Variants in RNF225 observed in about 807,000 individuals in gnomAD.
RNF225 encodes ring finger protein 225.
For synonymous variants in RNF225, 295 were observed against 260.4 expected (o/e 1.13, Z -1.28); for missense variants, 510 against 509.8 (o/e 1.00, Z 0.00).
rs752719125 is a variant in RNF225, at chr19:58,396,405, G to C, written c.316G>C (p.Val106Leu). Residue 106 changes from valine to leucine, a missense_variant, in exon 1 of 1, where the codon GTG becomes CTG. Physicochemically the swap from Val to Leu is conservative, Grantham distance 32 (BLOSUM62 1). Coordinates refer to ENST00000601382, the MANE Select transcript of RNF225 (RefSeq NM_001195135.2). ...SLATAGGGNA[V>L]ACPVCRAPTR... is the part of the protein sequence containing the mutation. Reference sequence around the variant, plus strand: ...GGCCACGGCGGGCGGCGGCAACGCGGTGGCCTGTCCGGTGTGCCGCGCGCC... The same window carrying C: ...GGCCACGGCGGGCGGCGGCAACGCGCTGGCCTGTCCGGTGTGCCGCGCGCC... The C allele has an allele frequency of 6.5e-7, 1 of 1,533,138 alleles. No individual in the cohort carries two copies. Among genetic ancestry groups the C allele is most frequent in the South Asian group, 1.2e-5 (1 of 83,900 alleles). 95.0% of individuals were successfully genotyped at this position (1,533,138 alleles called of 1,614,324 possible).
At position 58,396,703 on chromosome 19, in the gene RNF225, C is replaced by T. The variant is rs1488823387; in HGVS notation, c.614C>T (p.Ala205Val). 3.8e-5 allele frequency: 57 copies of T among 1,495,876 alleles called. No individual in the cohort carries two copies. The highest frequency in any genetic ancestry group is 4.7e-5 in the Non-Finnish European group (53 of 1,130,422). The allele number at this position is 1,495,876 out of a possible 1,614,324, so 92.7% of individuals were successfully genotyped here. The change falls in exon 1 of 1, where the codon GCG becomes GTG. Residue 205 changes from alanine to valine, a missense_variant. Physicochemically the swap from Ala to Val is moderately conservative, Grantham distance 64. Coordinates refer to ENST00000601382, the MANE Select transcript of RNF225 (RefSeq NM_001195135.2). The part of the protein sequence containing the change: ...AWVFNAAVAL[A>V]VLVAAGLVVS... ...GTCTTCAACGCTGCCGTGGCGCTGG[C>T]GGTGCTGGTGGCCGCGGGCCTCGTG...
At position 58,396,965 on chromosome 19, in the gene RNF225, G is replaced by A. The variant is rs1259473230; in HGVS notation, c.876G>A (p.Pro292=). 3 of 1,534,130 alleles carry A rather than the reference G, an allele frequency of 2.0e-6. No individual in the cohort carries two copies. The highest frequency in any genetic ancestry group is 2.6e-6 in the Non-Finnish European group (3 of 1,146,430). ...ALEPEAGPED[P]AEAERTLDRR... ...AGCCCGAGGCGGGCCCCGAGGACCC[G>A]GCGGAGGCCGAGAGGACGCTGGACA... is the stretch of plus-strand genomic sequence containing the variant. The change falls in exon 1 of 1, where the codon CCG becomes CCA. Residue 292 remains proline, a synonymous_variant. Coordinates refer to ENST00000601382, the MANE Select transcript of RNF225 (RefSeq NM_001195135.2).
In RNF225 at chr19:58,396,956, C is replaced by T. The variant is rs1482715026; in HGVS notation, c.867C>T (p.Pro289=). The T allele has an allele frequency of 1.3e-6, 2 of 1,534,170 alleles. No individual in the cohort carries two copies. Among genetic ancestry groups the T allele is most frequent in the Non-Finnish European group, 1.7e-6 (2 of 1,146,408 alleles). Residue 289 remains proline (P), a synonymous_variant, in exon 1 of 1, where the codon CCC becomes CCT. Coordinates refer to ENST00000601382, the MANE Select transcript of RNF225 (RefSeq NM_001195135.2). ...ATGCGCTGGAGCCCGAGGCGGGCCC[C>T]GAGGACCCGGCGGAGGCCGAGAGGA... ...AEDALEPEAG[P]EDPAEAERTL... is the part of the protein sequence containing the mutation.
At position 58,397,027 on chromosome 19, in the gene RNF225, C is replaced by A; in HGVS notation, c.938C>A (p.Pro313His). Residue 313 changes from proline to histidine, a missense_variant, in exon 1 of 1, where the codon CCC becomes CAC. Transcript: ENST00000601382. ...GGCACGTGGGGCACAGAGGCTGGCC[C>A]CGGCTGGGCCCCGTGGCCACGGGGC... Reference protein sequence around the residue: ...SDGTWGTEAGPGWAPWPRGAR... With the variant: ...SDGTWGTEAGHGWAPWPRGAR... The A allele has an allele frequency of 4.6e-6, 7 of 1,531,704 alleles. No homozygotes were observed. Among genetic ancestry groups the A allele is most frequent in the Non-Finnish European group, 6.1e-6 (7 of 1,145,264 alleles). 94.9% of individuals were successfully genotyped at this position (1,531,704 alleles called of 1,614,324 possible).
Position 58,396,113 on chromosome 19 carries a change from G to A in RNF225, c.24G>A (p.Trp8Ter), listed in dbSNP as rs1421547555. 6.5e-7 allele frequency: 1 copy of A among 1,531,666 alleles called. No individual in the cohort carries two copies. Among genetic ancestry groups the A allele is most frequent in the Non-Finnish European group, 8.7e-7 (1 of 1,145,598 alleles). The allele number at this position is 1,531,666 out of a possible 1,614,324, so 94.9% of individuals were successfully genotyped here. Residue 8 changes from tryptophan to a stop codon, truncating the protein, a stop_gained, in exon 1 of 1, where the codon TGG becomes TGA. Coordinates refer to ENST00000601382, the MANE Select transcript of RNF225 (RefSeq NM_001195135.2). LOFTEE classifies it low-confidence loss of function (END_TRUNC). ...GGATGCCCTGCCCTCGGCCGTTCTG[G>A]CTCCGCCATTCCCGGGCCCCCCAGG... MPCPRPF[W>*]LRHSRAPQGS...
Position 58,396,605 on chromosome 19 carries a change from C to T in RNF225, c.516C>T (p.Ala172=), listed in dbSNP as rs2052401663. 2 of 1,163,474 alleles carry T rather than the reference C, an allele frequency of 1.7e-6. No homozygotes were observed. The highest frequency in any genetic ancestry group is 3.4e-5 in the African/African-American group (2 of 59,590). 72.1% of individuals were successfully genotyped at this position (1,163,474 alleles called of 1,614,324 possible). Residue 172 remains alanine (A), a synonymous_variant, in exon 1 of 1, where the codon GCC becomes GCT. Coordinates refer to ENST00000601382, the MANE Select transcript of RNF225 (RefSeq NM_001195135.2). Reference sequence around the variant, plus strand: ...CGCCCGGGCCGCGCAAGGCCCGCGCCCCGCCGCCCCCGCCGCCTCTGCGCC... The same window carrying T: ...CGCCCGGGCCGCGCAAGGCCCGCGCTCCGCCGCCCCCGCCGCCTCTGCGCC... ...PPPPGPRKAR[A]PPPPPPLRLG...
At position 58,396,549 on chromosome 19, in the gene RNF225, GGCCTTCTCTACCTGCGGCCGCCGCC is replaced by G. The variant is rs2052401037; in HGVS notation, c.464_488del (p.Leu155ProfsTer?). 3 of 1,160,660 alleles carry G rather than the reference GGCCTTCTCTACCTGCGGCCGCCGCC, an allele frequency of 2.6e-6. No homozygotes were observed. The highest frequency in any genetic ancestry group is 4.8e-5 in the Admixed American group (1 of 20,900). The allele number at this position is 1,160,660 out of a possible 1,614,324, so 71.9% of individuals were successfully genotyped here. A position where few individuals can be genotyped will look rare whatever the true frequency, so the allele number is the denominator to read the frequency against. On this transcript the variant is annotated frameshift_variant, in exon 1 of 1. Coordinates refer to ENST00000601382, the MANE Select transcript of RNF225 (RefSeq NM_001195135.2). LOFTEE classifies it low-confidence loss of function (END_TRUNC). ...CTCCGTGCGCTTCGACCGGCGCCGC[GGCCTTCTCTACCTGCGGCCGCCGCC>G]GCCCCCGCCCGGGCCGCGCAAGGCC...
In RNF225 at chr19:58,396,538, AC is replaced by A; in HGVS notation, c.451del (p.Arg151GlyfsTer?). 8.4e-7 allele frequency: 1 copy of A among 1,188,268 alleles called. No individual in the cohort carries two copies. The highest frequency in any genetic ancestry group is 3.5e-5 in the South Asian group (1 of 28,664). 73.6% of individuals were successfully genotyped at this position (1,188,268 alleles called of 1,614,324 possible). ...TCTCGCCAGGGCTCCGTGCGCTTCGACCGGCGCCGCGGCCTTCTCTACCTGC... is the reference window on the plus strand; with the variant it reads ...TCTCGCCAGGGCTCCGTGCGCTTCGACGGCGCCGCGGCCTTCTCTACCTGC... ...PPSRQGSVRF[D>X]RRRGLLYLRP... is the part of the protein sequence containing the mutation. On this transcript the variant is annotated frameshift_variant, in exon 1 of 1. Transcript: ENST00000601382. LOFTEE classifies it low-confidence loss of function (END_TRUNC).
At position 58,396,563 on chromosome 19, in the gene RNF225, GC is replaced by G. The variant is rs1233317214; in HGVS notation, c.475del (p.Arg159GlyfsTer?). The G allele has an allele frequency of 1.8e-6, 2 of 1,098,088 alleles. No homozygotes were observed. The highest frequency in any genetic ancestry group is 3.4e-5 in the African/African-American group (2 of 59,546). The allele number at this position is 1,098,088 out of a possible 1,614,324, so 68.0% of individuals were successfully genotyped here. ...ACCGGCGCCGCGGCCTTCTCTACCT[GC>G]GGCCGCCGCCGCCCCCGCCCGGGCC... ...FDRRRGLLYL[R>X]PPPPPPGPRK... is the part of the protein sequence containing the mutation. On this transcript the variant is annotated frameshift_variant, in exon 1 of 1. Transcript: ENST00000601382. LOFTEE classifies it low-confidence loss of function (END_TRUNC).
chr19:58,396,986 G>A lies in RNF225; in HGVS notation c.897G>A (p.Leu299=), dbSNP rs2052405043. The change falls in exon 1 of 1, where the codon CTG becomes CTA. Residue 299 remains leucine, a synonymous_variant. Transcript: ENST00000601382. The stretch of plus-strand genomic sequence containing the variant: ...ACCCGGCGGAGGCCGAGAGGACGCT[G>A]GACAGGCGATCGGATGGCACGTGGG... ...PEDPAEAERT[L]DRRSDGTWGT... The A allele has an allele frequency of 1.3e-6, 2 of 1,534,378 alleles. No individual in the cohort carries two copies. Among genetic ancestry groups the A allele is most frequent in the Non-Finnish European group, 8.7e-7 (1 of 1,146,470 alleles).
Position 58,396,778 on chromosome 19 carries a change from GC to G in RNF225, c.695del (p.Pro232ArgfsTer?). On this transcript the variant is annotated frameshift_variant, in exon 1 of 1. Coordinates refer to ENST00000601382, the MANE Select transcript of RNF225 (RefSeq NM_001195135.2). LOFTEE classifies it low-confidence loss of function (END_TRUNC). ...CTCATCCCGCACGCCACCTCCTCCG[GC>G]CCCCCGCGGCCCCAGCTCGTGGCGC... Reference protein sequence around the residue: ...FFLIPHATSSGPPRPQLVALA... With the variant: ...FFLIPHATSSXPPRPQLVALA... 3 of 1,515,678 alleles carry G rather than the reference GC, an allele frequency of 2.0e-6. No homozygotes were observed. The highest frequency in any genetic ancestry group is 2.4e-5 in the South Asian group (2 of 82,378). The allele number at this position is 1,515,678 out of a possible 1,614,324, so 93.9% of individuals were successfully genotyped here. A position where few individuals can be genotyped will look rare whatever the true frequency, so the allele number is the denominator to read the frequency against.
chr19:58,396,106 C>T lies in RNF225; in HGVS notation c.17C>T (p.Pro6Leu), dbSNP rs2052396139. The change falls in exon 1 of 1, where the codon CCG becomes CTG. Residue 6 changes from proline to leucine, a missense_variant. Pro to Leu is a moderately conservative substitution (Grantham distance 98). Coordinates refer to ENST00000601382, the MANE Select transcript of RNF225 (RefSeq NM_001195135.2). MPCPR[P>L]FWLRHSRAPQ... is the part of the protein sequence containing the mutation. ...TCCATCCGGATGCCCTGCCCTCGGC[C>T]GTTCTGGCTCCGCCATTCCCGGGCC... 2.0e-6 allele frequency: 3 copies of T among 1,530,122 alleles called. No individual in the cohort carries two copies. The highest frequency in any genetic ancestry group is 1.2e-5 in the South Asian group (1 of 83,466). The allele number at this position is 1,530,122 out of a possible 1,614,324, so 94.8% of individuals were successfully genotyped here. A position where few individuals can be genotyped will look rare whatever the true frequency, so the allele number is the denominator to read the frequency against.
rs1219037040 is a variant in RNF225 at position 58,396,071 on chromosome 19, T to C, written c.-19T>C. 1.3e-6 allele frequency: 2 copies of C among 1,487,882 alleles called. No homozygotes were observed. Among genetic ancestry groups the C allele is most frequent in the Non-Finnish European group, 1.8e-6 (2 of 1,127,708 alleles). The allele number at this position is 1,487,882 out of a possible 1,614,324, so 92.2% of individuals were successfully genotyped here. A position where few individuals can be genotyped will look rare whatever the true frequency, so the allele number is the denominator to read the frequency against. ...GCCTCCTTCCCTGCCTGACCTCCTCTCCTCCCAGGTCCATCCGGATGCCCT... is the reference window on the plus strand; with the variant it reads ...GCCTCCTTCCCTGCCTGACCTCCTCCCCTCCCAGGTCCATCCGGATGCCCT... On this transcript the variant is annotated 5_prime_UTR_variant, in exon 1 of 1. Transcript: ENST00000601382.
In RNF225 at chr19:58,396,584, C is replaced by T. The variant is rs903083258; in HGVS notation, c.495C>T (p.Pro165=). The T allele has an allele frequency of 3.6e-5, 39 of 1,069,378 alleles. No individual in the cohort carries two copies. The highest frequency in any genetic ancestry group is 1.1e-4 in the Admixed American group (2 of 18,310). 66.2% of individuals were successfully genotyped at this position (1,069,378 alleles called of 1,614,324 possible). ...LLYLRPPPPP[P]GPRKARAPPP... ...ACCTGCGGCCGCCGCCGCCCCCGCCCGGGCCGCGCAAGGCCCGCGCCCCGC... is the reference window on the plus strand; with the variant it reads ...ACCTGCGGCCGCCGCCGCCCCCGCCTGGGCCGCGCAAGGCCCGCGCCCCGC... Residue 165 remains proline, a synonymous_variant, in exon 1 of 1, where the codon CCC becomes CCT. Transcript: ENST00000601382.
rs774611903 is a variant in RNF225, at chr19:58,396,328, G to A, written c.239G>A (p.Arg80His). 2.6e-6 allele frequency: 4 copies of A among 1,535,654 alleles called. No individual in the cohort carries two copies. In the South Asian group the frequency reaches 3.6e-5, roughly 14 times the overall value. The change falls in exon 1 of 1, where the codon CGC (arginine) becomes CAC (histidine). Residue 80 changes from arginine to histidine, a missense_variant. By Grantham distance (29) the Arg-to-His change is conservative. Coordinates refer to ENST00000601382, the MANE Select transcript of RNF225 (RefSeq NM_001195135.2). ...SFDGVFKLPK[R>H]LDCGHVFCLE... ...GACGGCGTGTTCAAGCTGCCCAAGC[G>A]CCTGGACTGCGGCCACGTCTTCTGT...
rs2052405379 is a variant in RNF225, at chr19:58,397,024, G to T, written c.935G>T (p.Gly312Val). The change falls in exon 1 of 1, where the codon GGC becomes GTC. Residue 312 changes from glycine to valine, a missense_variant. By Grantham distance (109) the Gly-to-Val change is moderately radical. Coordinates refer to ENST00000601382, the MANE Select transcript of RNF225 (RefSeq NM_001195135.2). ...RSDGTWGTEA[G>V]PGWAPWPRGA... ...GATGGCACGTGGGGCACAGAGGCTG[G>T]CCCCGGCTGGGCCCCGTGGCCACGG... The T allele has an allele frequency of 2.0e-6, 3 of 1,532,506 alleles. No homozygotes were observed. In the South Asian group the frequency reaches 3.6e-5, roughly 18 times the overall value. The allele number at this position is 1,532,506 out of a possible 1,614,324, so 94.9% of individuals were successfully genotyped here. A position where few individuals can be genotyped will look rare whatever the true frequency, so the allele number is the denominator to read the frequency against.
In RNF225 at chr19:58,396,916, C is replaced by G. The variant is rs187505845; in HGVS notation, c.827C>G (p.Pro276Arg). The change falls in exon 1 of 1, where the codon CCA (proline) becomes CGA (arginine). Residue 276 changes from proline to arginine, a missense_variant. Coordinates refer to ENST00000601382, the MANE Select transcript of RNF225 (RefSeq NM_001195135.2). ...PTGPDLDTAL[P>R]GTAEDALEPE... ...GGCCCTGACCTGGACACGGCCCTGC[C>G]AGGAACTGCAGAAGATGCGCTGGAG... is the stretch of plus-strand genomic sequence containing the variant. The G allele has an allele frequency of 5.8e-4, 894 of 1,534,112 alleles. 8 individuals carry two copies. In the East Asian group the frequency reaches 0.02, roughly 35 times the overall value.
At position 58,397,025 on chromosome 19, in the gene RNF225, C is replaced by T. The variant is rs2052405394; in HGVS notation, c.936C>T (p.Gly312=). Reference sequence around the variant, plus strand: ...ATGGCACGTGGGGCACAGAGGCTGGCCCCGGCTGGGCCCCGTGGCCACGGG... The same window carrying T: ...ATGGCACGTGGGGCACAGAGGCTGGTCCCGGCTGGGCCCCGTGGCCACGGG... ...RSDGTWGTEA[G]PGWAPWPRGA... Residue 312 remains glycine (G), a synonymous_variant, in exon 1 of 1, where the codon GGC becomes GGT. Transcript: ENST00000601382. 1 of 1,532,320 alleles carries T rather than the reference C, an allele frequency of 6.5e-7. No homozygotes were observed. The highest frequency in any genetic ancestry group is 1.2e-5 in the South Asian group (1 of 83,856). 94.9% of individuals were successfully genotyped at this position (1,532,320 alleles called of 1,614,324 possible).
In RNF225 at chr19:58,396,201, CAGG is replaced by C. The variant is rs747436338; in HGVS notation, c.132_134del (p.Glu45del). The C allele has an allele frequency of 6.5e-4, 983 of 1,520,094 alleles. 1 individual carries two copies. Among genetic ancestry groups the C allele is most frequent in the South Asian group, 3.4e-3 (283 of 82,108 alleles). 94.2% of individuals were successfully genotyped at this position (1,520,094 alleles called of 1,614,324 possible). A position where few individuals can be genotyped will look rare whatever the true frequency, so the allele number is the denominator to read the frequency against. On this transcript the variant is annotated inframe_deletion, in exon 1 of 1. Transcript: ENST00000601382. ...CCGCTCCCCAAGCAGAGGGGAAGAC[CAGG>C]AGGAGGAGGAGGAGGAGGAAGGGGA... is the stretch of plus-strand genomic sequence containing the variant.
Sources: allele counts gnomAD v4.1 joint callset, GRCh38; gene constraint gnomAD v4.1.1; transcripts MANE v1.5; gene names NCBI Gene and HGNC (gene_info 2026-07-23, HGNC 2026-07-21).